Variants in CSMD1 observed in about 807,000 individuals in gnomAD.
The protein encoded by CSMD1 is CUB and Sushi multiple domains 1.
Under a neutral mutation model 417.5 loss-of-function variants are expected in CSMD1, and 213 were observed. The observed-to-expected ratio is 0.51, with a 90% CI of 0.46 to 0.57. CSMD1 has a LOEUF of 0.57. CSMD1 is among the 20% of genes least tolerant of loss of function. The pLI is 0.00. For missense variants in CSMD1, 6,923 were observed against 4,529.7 expected (o/e 1.53, Z -15.17); for synonymous variants, 2,862 against 1,736.8 (o/e 1.65, Z -16.11).
At chr8:4,140,751 C>G (rs1803737171) in intron 3 of CSMD1, among the ~76,000 whole-genome samples, 1 of 150,922 alleles carries the variant, frequency 6.6e-6, no homozygotes, top group Admixed American at 6.6e-5. Flanking sequence ...TAAGTATCTT[C>G]ATCTCCTCCC....
intron 1 of CSMD1, among the ~76,000 whole-genome samples, chr8:4,850,890 G>T (rs1325058071): frequency 4.6e-5 from 7 of 151,582 alleles, no homozygotes; most frequent in Non-Finnish European, 8.8e-5. Context: ...TTTATGCATT[G>T]AAGATTGTTT....
At chr8:4,418,608 C>A (rs1047438600) in intron 3 of CSMD1, among the ~76,000 whole-genome samples, 3 of 152,090 alleles carry the variant, frequency 2.0e-5, no homozygotes, top group Non-Finnish European at 4.4e-5. Context: ...ATATGCCTGG[C>A]ATATAGCTGG....
intron 3 of CSMD1, among the ~76,000 whole-genome samples, chr8:4,255,196 A>G (rs1371680242): frequency 1.3e-5 from 2 of 152,214 alleles, no homozygotes; most frequent in Non-Finnish European, 2.9e-5. Flanking sequence ...GATGGGTGCC[A>G]ACTAATTTTT....
intron 3 of CSMD1, among the ~76,000 whole-genome samples, chr8:4,307,727 A>G (rs1194179881): frequency 6.6e-6 from 1 of 152,186 alleles, no homozygotes; most frequent in Non-Finnish European, 1.5e-5. Context: ...ATGAGTGGGA[A>G]TGAATACCTA....
intron 8 of CSMD1, among the ~76,000 whole-genome samples, chr8:3,601,605 G>A (rs375891651): frequency 7.9e-5 from 12 of 152,214 alleles, no homozygotes; most frequent in African/African-American, 1.7e-4. Flanking sequence ...AGAATAAGAT[G>A]CTGCAAAATT....
intron 2 of CSMD1, among the ~76,000 whole-genome samples, chr8:4,545,522 C>A (rs77434910): frequency 6.6e-6 from 1 of 151,938 alleles, no homozygotes; most frequent in South Asian, 2.1e-4. Context: ...CACGACCCTA[C>A]GAAAGAATCT....
At chr8:3,194,459 T>TATTTTATTTTATTTTATTTC (rs1362170813) in intron 33 of CSMD1, among the ~76,000 whole-genome samples, 29 of 122,956 alleles carry the variant, frequency 2.4e-4, no homozygotes, top group Middle Eastern at 4.2e-3. Context: ...TATTTTATTT[T>TATTTTATTTTATTTTATTTC]ATTTCATTTC....
At chr8:4,553,872 C>G (rs1797979586) in intron 2 of CSMD1, among the ~76,000 whole-genome samples, 1 of 152,058 alleles carries the variant, frequency 6.6e-6, no homozygotes, top group South Asian at 2.1e-4. Flanking sequence ...TAGCATAAAC[C>G]AAAACAAGCT....
intron 47 of CSMD1, among the ~76,000 whole-genome samples, chr8:3,093,083 C>G (rs974187468): frequency 1.3e-5 from 2 of 152,118 alleles, no homozygotes; most frequent in Admixed American, 1.3e-4. Context: ...CTGGGTCCCC[C>G]TCAAATTTAC....
At chr8:4,931,923 A>C (rs1807275740) in intron 1 of CSMD1, among the ~76,000 whole-genome samples, 4 of 152,246 alleles carry the variant, frequency 2.6e-5, no homozygotes, top group African/African-American at 9.6e-5. Flanking sequence ...TTGGACATTA[A>C]GATGCTTATG....
chr8:4,788,016 GAAGT>G, intron 1 of CSMD1: 1 of 1,590,078 alleles, frequency 6.3e-7, no homozygotes, highest in Non-Finnish European at 8.6e-7. Flanking sequence ...GGATCTCAAA[GAAGT>G]AACTCCTGAA....
chr8:3,388,873 T>C (rs1428311844), intron 17 of CSMD1, among the ~76,000 whole-genome samples: 1 of 149,806 alleles, frequency 6.7e-6, no homozygotes, highest in Non-Finnish European at 1.5e-5. Flanking sequence ...TCCCTCTCTC[T>C]ACATACACAC....
At chr8:4,680,443 C>G (rs905645898) in intron 1 of CSMD1, among the ~76,000 whole-genome samples, 1 of 152,142 alleles carries the variant, frequency 6.6e-6, no homozygotes, top group African/African-American at 2.4e-5. Flanking sequence ...AGTGACGTAC[C>G]ATGTTCTCAT....
intron 33 of CSMD1, among the ~76,000 whole-genome samples, chr8:3,198,697 T>C (rs1305079176): frequency 6.6e-6 from 1 of 152,180 alleles, no homozygotes; most frequent in Non-Finnish European, 1.5e-5. Flanking sequence ...GTCATGAATT[T>C]CCCAATTTGA....
intron 23 of CSMD1, among the ~76,000 whole-genome samples, chr8:3,334,123 G>T (rs893752207): frequency 6.6e-6 from 1 of 152,180 alleles, no homozygotes; most frequent in East Asian, 1.9e-4. Flanking sequence ...ATGTGTTTGG[G>T]TAGAGATAGG....
intron 2 of CSMD1, among the ~76,000 whole-genome samples, chr8:4,612,429 T>C (rs534528964): frequency 6.6e-6 from 1 of 152,158 alleles, no homozygotes; most frequent in Non-Finnish European, 1.5e-5. Context: ...TTCAGGAAAA[T>C]AATAGGGAAG....
chr8:4,117,778 T>A (rs4604459), intron 3 of CSMD1, among the ~76,000 whole-genome samples: 4 of 152,152 alleles, frequency 2.6e-5, no homozygotes, highest in South Asian at 2.1e-4. Flanking sequence ...CCAGGCCCAT[T>A]CAGAGAATGT....
intron 1 of CSMD1, among the ~76,000 whole-genome samples, chr8:4,955,765 CA>C (rs1809060341): frequency 1.3e-5 from 1 of 77,748 alleles, no homozygotes; most frequent in Non-Finnish European, 2.9e-5. Context: ...CCCTCTCTTC[CA>C]AACTGCATGT....
At chr8:2,986,088 A>T (rs1459943339) in intron 54 of CSMD1, among the ~76,000 whole-genome samples, 2 of 151,910 alleles carry the variant, frequency 1.3e-5, no homozygotes, top group African/African-American at 4.8e-5. Context: ...AGGGACTGAT[A>T]ACCAGGTTAC....
Sources: gnomAD v4.1 joint callset for allele counts (sites outside exome capture counted in the v4.1 genomes callset) on GRCh38, gnomAD v4.1.1 for gene constraint, MANE v1.5 for transcripts, NCBI Gene and HGNC (gene_info 2026-07-23, HGNC 2026-07-21) for gene names.